Variants in RELN observed in about 807,000 individuals in gnomAD.
The protein encoded by RELN is reelin.
A neutral mutation model predicts 427.6 loss-of-function variants in RELN; 108 were observed. That is an observed-to-expected ratio of 0.25 (90% confidence interval 0.22 to 0.30). The LOEUF (loss-of-function observed/expected upper bound fraction) is 0.30. Ranked by LOEUF, RELN falls within the 10% of genes least tolerant of loss-of-function variation. The pLI, the probability that RELN is intolerant of heterozygous loss-of-function variation, is 1.00. For missense variants in RELN, 3,715 were observed against 4,302.8 expected, an observed-to-expected ratio of 0.86 and a Z score of 3.82; for synonymous variants, 1,524 against 1,513.4, an observed-to-expected ratio of 1.01 and a Z score of -0.16.
In RELN at chr7:103,651,199, T is replaced by C. The variant is rs374584089; in HGVS notation, c.1892+462A>G. On this transcript the variant is annotated intron_variant, in intron 15 of 64. Coordinates refer to ENST00000428762, the MANE Select transcript of RELN (RefSeq NM_005045.4). ...CTTATTCTGTAATGTGGCAAGTATT[T>C]TATATAATCATCTTTAATTCTCCTA... Among the ~76,000 whole-genome samples the C allele has an allele frequency of 4.1e-4, 63 of 152,234 alleles. 1 individual carries two copies. The East Asian group carries it at 0.011, about 27-fold the overall frequency.
At chr7:103,669,101 A>C (rs116686683) in intron 11 of RELN, among the ~76,000 whole-genome samples, 2,778 of 152,254 alleles carry the variant, frequency 0.018, 79 homozygotes, top group African/African-American at 0.063. Context: ...AATAACTTTT[A>C]ATCTTTATTT....
intron 1 of RELN, among the ~76,000 whole-genome samples, chr7:103,983,578 G>C (rs1295101402): frequency 2.6e-5 from 4 of 152,186 alleles, no homozygotes; most frequent in Admixed American, 6.5e-5. Context: ...GCTTAAAGTT[G>C]ATGAGACTGA....
chr7:103,956,248 A>G (rs1796432141), intron 1 of RELN, among the ~76,000 whole-genome samples: 1 of 152,184 alleles, frequency 6.6e-6, no homozygotes, highest in Admixed American at 6.6e-5. Context: ...TGCTGATGGT[A>G]GTCAAGAGAG....
chr7:103,759,935 A>G (rs1223638509), intron 4 of RELN, among the ~76,000 whole-genome samples: 1 of 151,360 alleles, frequency 6.6e-6, no homozygotes, highest in Non-Finnish European at 1.5e-5. Context: ...TAGGCAGCAA[A>G]TATCTCCACA....
intron 2 of RELN, among the ~76,000 whole-genome samples, chr7:103,854,792 C>T (rs1376771573): frequency 6.6e-6 from 1 of 152,196 alleles, no homozygotes. Context: ...ATGTGTCTCT[C>T]TCATCTGTTG....
At chr7:103,518,809 C>T (rs1829635163) in intron 49 of RELN, among the ~76,000 whole-genome samples, 1 of 152,032 alleles carries the variant, frequency 6.6e-6, no homozygotes, top group South Asian at 2.1e-4. Context: ...TCTAATTGGT[C>T]ATAATCATTG....
chr7:103,529,016 G>A (rs1281874697), intron 46 of RELN, among the ~76,000 whole-genome samples: 2 of 151,752 alleles, frequency 1.3e-5, no homozygotes, highest in Non-Finnish European at 2.9e-5. Context: ...TGCGCCTGTA[G>A]TCCCAACTAC....
intron 3 of RELN, among the ~76,000 whole-genome samples, chr7:103,780,924 C>T (rs1236134981): frequency 6.6e-6 from 1 of 152,162 alleles, no homozygotes; most frequent in East Asian, 1.9e-4. Context: ...TACTGGATGA[C>T]GTTCTCAGCC....
chr7:103,946,614 A>G lies in RELN; in HGVS notation c.227-29429T>C, dbSNP rs532140293. Among the ~76,000 whole-genome samples, 17 of 152,300 alleles carry G rather than the reference A, an allele frequency of 1.1e-4. No individual in the cohort carries two copies. The South Asian group carries it at 3.5e-3, about 32-fold the overall frequency. ...ATTTAAATGTTTAATATTTAATGCT[A>G]GTGCTTCTACAGTCTCTTGGAATTA... On this transcript the variant is annotated intron_variant, in intron 1 of 64. Transcript: ENST00000428762.
At chr7:103,933,392 G>T (rs907211545) in intron 1 of RELN, among the ~76,000 whole-genome samples, 1 of 150,350 alleles carries the variant, frequency 6.7e-6, no homozygotes, top group East Asian at 2.0e-4. Context: ...GTAGGTGTTC[G>T]TTTTGAAAAT....
rs556308635 is a variant in RELN, at chr7:103,963,614, C to A, written c.226+25517G>T. Among the ~76,000 whole-genome samples the A allele has an allele frequency of 6.6e-5, 10 of 152,166 alleles. No individual in the cohort carries two copies. The South Asian group carries it at 2.1e-3, about 32-fold the overall frequency. ...TTTTTTAAAAATTTCTTTTAAAAAT[C>A]TGAAAAACTATGGTAAATATTAATA... On this transcript the variant is annotated intron_variant, in intron 1 of 64. Coordinates refer to ENST00000428762, the MANE Select transcript of RELN (RefSeq NM_005045.4).
chr7:103,495,873 C>T lies in RELN; in HGVS notation c.9219G>A (p.Trp3073Ter), dbSNP rs1277305661. The T allele has an allele frequency of 1.2e-6, 2 of 1,613,700 alleles. No homozygotes were observed. Among genetic ancestry groups the T allele is most frequent in the East Asian group, 2.2e-5 (1 of 44,866 alleles). ...DDEGTSHEEN[W>*]SFYPNAVRTA... ...TCCTTACAGCATTAGGGTAAAAACT[C>T]CAGTTTTCTTCATGGGAAGTGCCTT... Residue 3073 changes from tryptophan (W) to a stop codon, truncating the protein, a stop_gained, in exon 57 of 65, where the codon TGG becomes TGA. Coordinates refer to ENST00000428762, the MANE Select transcript of RELN (RefSeq NM_005045.4). LOFTEE classifies it high-confidence loss of function.
intron 2 of RELN, among the ~76,000 whole-genome samples, chr7:103,849,130 C>A (rs1274114776): frequency 6.6e-6 from 1 of 152,136 alleles, no homozygotes; most frequent in Non-Finnish European, 1.5e-5. Context: ...GTCACAGTTC[C>A]TGCTAAATAA....
chr7:103,625,918 T>C (rs1832320530), intron 20 of RELN, among the ~76,000 whole-genome samples: 1 of 152,020 alleles, frequency 6.6e-6, no homozygotes, highest in Non-Finnish European at 1.5e-5. Flanking sequence ...GCCCAACTAA[T>C]AGTTCATTAT....
chr7:103,730,901 A>G (rs1407624434), intron 6 of RELN, among the ~76,000 whole-genome samples: 2 of 152,178 alleles, frequency 1.3e-5, no homozygotes, highest in East Asian at 1.9e-4. Flanking sequence ...TTCATCCATC[A>G]TTTATTAATC....
chr7:103,913,559 G>A (rs1359080871), intron 2 of RELN, among the ~76,000 whole-genome samples: 1 of 152,078 alleles, frequency 6.6e-6, no homozygotes, highest in African/African-American at 2.4e-5. Flanking sequence ...CTACCAGAAA[G>A]CAGCAATATG....
At chr7:103,746,267 C>G (rs1247621220) in intron 6 of RELN, among the ~76,000 whole-genome samples, 1 of 152,152 alleles carries the variant, frequency 6.6e-6, no homozygotes, top group Non-Finnish European at 1.5e-5. Context: ...AAAATTAATT[C>G]AAGATGGATT....
rs2117129658 is a variant in RELN at position 103,540,375 on chromosome 7, G to C, written c.6752C>G (p.Ser2251Cys). The C allele has an allele frequency of 6.2e-7, 1 of 1,614,156 alleles. No individual in the cohort carries two copies. The highest frequency in any genetic ancestry group is 8.5e-7 in the Non-Finnish European group (1 of 1,180,016). ...ACTCCACGAGAGGCCACCGTTGAGA[G>C]AATACTGTAGGAGCACGGGTTGACT... is the stretch of plus-strand genomic sequence containing the variant. Reference protein sequence around the residue: ...PRSQPVLLQYSLNGGLSWSLL... With the variant: ...PRSQPVLLQYCLNGGLSWSLL... Residue 2251 changes from serine to cysteine, a missense_variant, in exon 44 of 65, where the codon TCT becomes TGT. By Grantham distance (112) the Ser-to-Cys change is moderately radical (BLOSUM62 -1). This residue lies in a region of RELN where 1,310 missense variants were observed against 1,643.0 expected (regional missense o/e 0.80). Transcript: ENST00000428762.
chr7:103,937,379 T>C (rs556126563), intron 1 of RELN, among the ~76,000 whole-genome samples: 11 of 152,346 alleles, frequency 7.2e-5, no homozygotes, highest in Admixed American at 6.5e-4. Flanking sequence ...ACTTTAAAAC[T>C]TGATGCCTTT....
Sources: gnomAD v4.1 joint callset for allele counts (sites outside exome capture counted in the v4.1 genomes callset) on GRCh38, gnomAD v4.1.1 for gene constraint, gnomAD v4.1.1 regional missense constraint, MANE v1.5 for transcripts, NCBI Gene and HGNC (gene_info 2026-07-23, HGNC 2026-07-21) for gene names.